The following XKR9 variants were observed in gnomAD, a reference collection of about 807,000 sequenced individuals.
XKR9 encodes the protein XK related 9, also known as XK-related protein 9.
Under a neutral mutation model 32.0 loss-of-function variants are expected in XKR9, and 32 were observed. The observed-to-expected ratio is 1.00, with a 90% CI of 0.76 to 1.34. XKR9 has a LOEUF of 1.34. Among genes scored for constraint, XKR9 ranks in the 40% most tolerant of loss-of-function variants. XKR9 has a pLI of 0.00. For missense variants in XKR9, 546 were observed against 429.7 expected (o/e 1.27, Z -2.39); for synonymous variants, 168 against 143.4 (o/e 1.17, Z -1.22).
intron 4 of XKR9, among the ~76,000 whole-genome samples, chr8:70,732,517 A>G (rs1806705537): frequency 6.6e-6 from 1 of 152,216 alleles, no homozygotes; most frequent in South Asian, 2.1e-4. Flanking sequence ...GGTAGTCACA[A>G]GGCCATTCCT....
At chr8:71,052,376 C>T in the XKR9 span, among the ~76,000 whole-genome samples, 4 of 152,114 alleles carry the variant, frequency 2.6e-5, no homozygotes, top group Admixed American at 1.3e-4. Context: ...GCTGCATGGG[C>T]GTTAATGATG....
chr8:70,764,970 A>G (rs1807355695), intron 2 of XKR9, among the ~76,000 whole-genome samples: 1 of 152,080 alleles, frequency 6.6e-6, no homozygotes, highest in Admixed American at 6.6e-5. Context: ...TAAATGTCAC[A>G]TTTTCTTTAT....
chr8:70,925,414 A>T, the XKR9 span, among the ~76,000 whole-genome samples: 1 of 152,194 alleles, frequency 6.6e-6, no homozygotes, highest in Non-Finnish European at 1.5e-5. Flanking sequence ...TCATGTCTAT[A>T]CATGTGGCAA....
chr8:70,745,097 C>T (rs1401981835), intron 2 of XKR9, among the ~76,000 whole-genome samples: 2 of 149,848 alleles, frequency 1.3e-5, no homozygotes, highest in Admixed American at 6.7e-5. Context: ...CTAAGTGTCC[C>T]ACACAAACAT....
At chr8:70,866,423 A>G in the XKR9 span, among the ~76,000 whole-genome samples, 1 of 152,148 alleles carries the variant, frequency 6.6e-6, no homozygotes, top group Non-Finnish European at 1.5e-5. Context: ...AGGCAGTGGC[A>G]TTTTCATTCA....
At chr8:70,763,676 T>C (rs1807336683) in intron 2 of XKR9, among the ~76,000 whole-genome samples, 1 of 152,234 alleles carries the variant, frequency 6.6e-6, no homozygotes, top group Admixed American at 6.5e-5. Context: ...TTTTTTTCCC[T>C]TTCATATTAT....
At chr8:70,682,178 G>A (rs1586808544) in intron 3 of XKR9, among the ~76,000 whole-genome samples, 1 of 152,090 alleles carries the variant, frequency 6.6e-6, no homozygotes, top group East Asian at 1.9e-4. Flanking sequence ...GGTATTAGAA[G>A]TCAATTTTCA....
the XKR9 span, among the ~76,000 whole-genome samples, chr8:70,844,288 T>TATGCCAG: frequency 1.3e-5 from 2 of 152,166 alleles, no homozygotes; most frequent in South Asian, 4.1e-4. Flanking sequence ...GTTGCCACCA[T>TATGCCAG]GTACTTGCAT....
chr8:70,738,678 C>G (rs1271323836), downstream of XKR9, among the ~76,000 whole-genome samples: 1 of 151,926 alleles, frequency 6.6e-6, no homozygotes, highest in Non-Finnish European at 1.5e-5. Flanking sequence ...TGTCTTTGTT[C>G]TCGTTGGTTT....
At chr8:71,030,725 G>A in the XKR9 span, among the ~76,000 whole-genome samples, 2 of 152,162 alleles carry the variant, frequency 1.3e-5, no homozygotes, top group African/African-American at 4.8e-5. Context: ...TGGAGGAGAA[G>A]AGAACTTAAG....
chr8:70,903,531 C>T, the XKR9 span, among the ~76,000 whole-genome samples: 1 of 151,876 alleles, frequency 6.6e-6, no homozygotes, highest in African/African-American at 2.4e-5. Flanking sequence ...TCTTTCTTTT[C>T]TTCTTTATTA....
the XKR9 span, among the ~76,000 whole-genome samples, chr8:70,814,186 C>T: frequency 1.8e-4 from 28 of 151,958 alleles, no homozygotes; most frequent in African/African-American, 6.0e-4. Flanking sequence ...AGCAAACTAT[C>T]GCAAGGACAA....
chr8:70,732,853 C>A (rs1053545250), intron 4 of XKR9, among the ~76,000 whole-genome samples: 5 of 152,224 alleles, frequency 3.3e-5, no homozygotes, highest in Admixed American at 3.3e-4. Context: ...TGCAGTGGCT[C>A]ACGCCTGTAA....
At chr8:70,815,332 C>G in the XKR9 span, among the ~76,000 whole-genome samples, 3 of 151,908 alleles carry the variant, frequency 2.0e-5, no homozygotes, top group African/African-American at 2.4e-5. Context: ...CACACTCTAC[C>G]CTCCAATAGG....
At chr8:70,989,258 A>G in the XKR9 span, among the ~76,000 whole-genome samples, 1 of 152,246 alleles carries the variant, frequency 6.6e-6, no homozygotes, top group Non-Finnish European at 1.5e-5. Context: ...AATTATTTGC[A>G]AAAATTTTAT....
the XKR9 span, among the ~76,000 whole-genome samples, chr8:70,889,552 C>T: frequency 6.6e-6 from 1 of 151,824 alleles, no homozygotes; most frequent in Non-Finnish European, 1.5e-5. Context: ...ACAGTTACTC[C>T]TCTCTTGCCA....
At chr8:70,813,638 A>C in the XKR9 span, among the ~76,000 whole-genome samples, 2 of 152,242 alleles carry the variant, frequency 1.3e-5, no homozygotes, top group African/African-American at 4.8e-5. Flanking sequence ...AAAGGATATG[A>C]ACAGACACTT....
chr8:70,749,699 G>A (rs1463599637), intron 2 of XKR9, among the ~76,000 whole-genome samples: 1 of 152,232 alleles, frequency 6.6e-6, no homozygotes, highest in Non-Finnish European at 1.5e-5. Context: ...AGCGCAGCTT[G>A]CCAGGCCGTT....
chr8:70,930,355 C>T, the XKR9 span, among the ~76,000 whole-genome samples: 1 of 152,116 alleles, frequency 6.6e-6, no homozygotes, highest in Non-Finnish European at 1.5e-5. Flanking sequence ...ATGAAAGAAC[C>T]TAGTGAGAAG....
Sources: gnomAD v4.1 joint callset for allele counts (sites outside exome capture counted in the v4.1 genomes callset) on GRCh38, gnomAD v4.1.1 for gene constraint, MANE v1.5 for transcripts, NCBI Gene and HGNC (gene_info 2026-07-23, HGNC 2026-07-21) for gene names.